The following AFAP1 variants were observed in gnomAD, a reference collection of about 807,000 sequenced individuals.
The protein encoded by AFAP1 is actin filament associated protein 1, also known as actin filament-associated protein 1.
In AFAP1, 75 loss-of-function variants were observed where a neutral mutation model predicts 93.9. The observed-to-expected ratio is 0.80, with a 90% CI of 0.66 to 0.97. AFAP1 has a LOEUF of 0.97. Ranked by LOEUF, AFAP1 falls within the 50% of genes least tolerant of loss-of-function variation. AFAP1 has a pLI of 0.00. For synonymous variants in AFAP1, 517 were observed against 430.7 expected, an observed-to-expected ratio of 1.20 and a Z score of -2.48; for missense variants, 1,201 against 1,050.8, an observed-to-expected ratio of 1.14 and a Z score of -1.98.
chr4:7,879,984 A>T (rs529467288), intron 1 of AFAP1, among the ~76,000 whole-genome samples: 1 of 152,052 alleles, frequency 6.6e-6, no homozygotes, highest in East Asian at 1.9e-4. Context: ...TCTTTCACTC[A>T]AGTGGTATAT....
chr4:7,903,148 GA>G (rs1336920123), intron 1 of AFAP1, among the ~76,000 whole-genome samples: 1 of 152,194 alleles, frequency 6.6e-6, no homozygotes, highest in African/African-American at 2.4e-5. Context: ...AGTGACAGAA[GA>G]AAGAAGAATA....
rs115231247 is a variant in AFAP1, at chr4:7,920,686, C to T, written c.-3+18970G>A. Among the ~76,000 whole-genome samples, 962 of 152,332 alleles carry T rather than the reference C, an allele frequency of 6.3e-3. 12 individuals are homozygous for T. Among genetic ancestry groups the T allele is most frequent in the African/African-American group, 0.022 (922 of 41,562 alleles). On this transcript the variant is annotated intron_variant, in intron 1 of 17. Coordinates refer to ENST00000420658, the MANE Select transcript of AFAP1 (RefSeq NM_001134647.2). ...AACCTTTCTCTTACCAAAGAAACTG[C>T]AATCCCTAAAAGACAAATAGCCTGG...
At chr4:7,791,677 C>G (rs1223946103) in intron 11 of AFAP1, among the ~76,000 whole-genome samples, 1 of 148,854 alleles carries the variant, frequency 6.7e-6, no homozygotes, top group East Asian at 2.0e-4. Context: ...CATAATAAGA[C>G]CCCGTCTCTA....
chr4:7,900,334 TCTAGCACA>T, intron 1 of AFAP1, among the ~76,000 whole-genome samples: 1 of 44,400 alleles, frequency 2.3e-5, no homozygotes. Context: ...TTTGTGCGCA[TCTAGCACA>T]TTTAGCATTT....
chr4:7,806,319 C>T (rs554227660), intron 9 of AFAP1, among the ~76,000 whole-genome samples: 21 of 152,344 alleles, frequency 1.4e-4, no homozygotes, highest in African/African-American at 5.0e-4. Context: ...CCCCCTAAAC[C>T]TTTCCAGCCG....
chr4:7,833,892 G>A (rs1662680576), intron 6 of AFAP1, among the ~76,000 whole-genome samples: 1 of 151,948 alleles, frequency 6.6e-6, no homozygotes, highest in African/African-American at 2.4e-5. Flanking sequence ...CCGACCTGGA[G>A]GTTTCTTAAA....
intron 4 of AFAP1, among the ~76,000 whole-genome samples, chr4:7,845,411 GATTATT>G (rs138117791): frequency 1.4e-5 from 2 of 145,160 alleles, no homozygotes; most frequent in African/African-American, 4.9e-5. Flanking sequence ...AACAGAACAA[GATTATT>G]ATTATTATTA....
chr4:7,831,659 G>A (rs180986034), intron 6 of AFAP1, among the ~76,000 whole-genome samples: 1 of 152,316 alleles, frequency 6.6e-6, no homozygotes, highest in African/African-American at 2.4e-5. Flanking sequence ...GAAGGGGGCT[G>A]CTCTTCAGTG....
intron 12 of AFAP1, among the ~76,000 whole-genome samples, chr4:7,785,263 A>C (rs1490205133): frequency 2.0e-5 from 3 of 152,178 alleles, no homozygotes; most frequent in African/African-American, 7.2e-5. Flanking sequence ...CGACACAGAC[A>C]CAACACACTG....
At chr4:7,922,944 T>C (rs1173311164) in intron 1 of AFAP1, among the ~76,000 whole-genome samples, 2 of 152,160 alleles carry the variant, frequency 1.3e-5, no homozygotes, top group Non-Finnish European at 2.9e-5. Flanking sequence ...CAGTGAGCTA[T>C]GATGGCACTC....
At chr4:7,898,260 T>C (rs1219253095) in intron 1 of AFAP1, among the ~76,000 whole-genome samples, 2 of 152,008 alleles carry the variant, frequency 1.3e-5, no homozygotes, top group Non-Finnish European at 2.9e-5. Context: ...TACAAAAAAT[T>C]AGCCGAGCAT....
intron 4 of AFAP1, among the ~76,000 whole-genome samples, chr4:7,844,510 A>C (rs1189766998): frequency 1.3e-5 from 2 of 152,284 alleles, no homozygotes; most frequent in Admixed American, 1.3e-4. Flanking sequence ...CTGAGCCTCC[A>C]CACGGCCCAA....
chr4:7,884,060 TAGTG>T (rs909911396), intron 1 of AFAP1, among the ~76,000 whole-genome samples: 20 of 152,172 alleles, frequency 1.3e-4, no homozygotes, highest in African/African-American at 4.6e-4. Context: ...GTCCTTGCAA[TAGTG>T]AGTGAGTCCC....
chr4:7,938,758 A>C (rs1283036300), intron 1 of AFAP1, among the ~76,000 whole-genome samples: 5 of 152,024 alleles, frequency 3.3e-5, no homozygotes, highest in South Asian at 2.1e-4. Flanking sequence ...CCCATTACTA[A>C]CGGAAGAAAT....
chr4:7,795,295 G>C (rs188858959), intron 10 of AFAP1, among the ~76,000 whole-genome samples: 121 of 149,538 alleles, frequency 8.1e-4, no homozygotes, highest in African/African-American at 2.8e-3. Context: ...GAGTAAAAGA[G>C]AATCAGTGTT....
chr4:7,924,419 C>G (rs920958463), intron 1 of AFAP1, among the ~76,000 whole-genome samples: 6 of 152,188 alleles, frequency 3.9e-5, no homozygotes, highest in Non-Finnish European at 8.8e-5. Flanking sequence ...GATGAGCCAG[C>G]GGTGGATCAA....
At chr4:7,913,714 A>G (rs1489426931) in intron 1 of AFAP1, among the ~76,000 whole-genome samples, 1 of 152,246 alleles carries the variant, frequency 6.6e-6, no homozygotes, top group East Asian at 1.9e-4. Context: ...GACTGTATCT[A>G]AAGCAAGCCT....
Position 7,778,739 on chromosome 4 carries a change from A to C in AFAP1, c.1897+23T>G, listed in dbSNP as rs143385598. The C allele has an allele frequency of 1.1e-3, 1,698 of 1,607,170 alleles. 16 individuals are homozygous for C. The African/African-American group carries it at 0.018, about 17-fold the overall frequency. Reference sequence around the variant, plus strand: ...CCAAGTGCACTTGAAGCCGGAATGCAAGACATCCGATGGTATACTTACTCG... The same window carrying C: ...CCAAGTGCACTTGAAGCCGGAATGCCAGACATCCGATGGTATACTTACTCG... On this transcript the variant is annotated intron_variant, in intron 14 of 17. Coordinates refer to ENST00000420658, the MANE Select transcript of AFAP1 (RefSeq NM_001134647.2).
chr4:7,798,377 G>A (rs113569350), intron 10 of AFAP1, among the ~76,000 whole-genome samples: 5,061 of 108,336 alleles, frequency 0.047, 251 homozygotes, highest in African/African-American at 0.13. Flanking sequence ...GCTGGCTCAC[G>A]GCACTGCAAC....
Sources: gnomAD v4.1 joint callset for allele counts (sites outside exome capture counted in the v4.1 genomes callset) on GRCh38, gnomAD v4.1.1 for gene constraint, MANE v1.5 for transcripts, NCBI Gene and HGNC (gene_info 2026-07-23, HGNC 2026-07-21) for gene names.